The following PATL1 variants were observed in gnomAD, a reference collection of about 807,000 sequenced individuals.
The protein encoded by PATL1 is protein PAT1 homolog 1.
A neutral mutation model predicts 100.6 loss-of-function variants in PATL1; 32 were observed. That is an observed-to-expected ratio of 0.32 (90% confidence interval 0.24 to 0.43). PATL1 has a LOEUF of 0.43. PATL1 is among the 20% of genes least tolerant of loss of function. The pLI is 1.00. For missense variants in PATL1, 747 were observed against 949.9 expected, an observed-to-expected ratio of 0.79 and a Z score of 2.81; for synonymous variants, 332 against 330.0, an observed-to-expected ratio of 1.01 and a Z score of -0.07.
At chr11:59,665,176 T>TAA (rs1227770231) in intron 2 of PATL1, among the ~76,000 whole-genome samples, 10 of 152,224 alleles carry the variant, frequency 6.6e-5, no homozygotes, top group Non-Finnish European at 1.3e-4. Context: ...CTGACAATAT[T>TAA]AAAACACCTT....
intron 14 of PATL1, 51 bp downstream of exon 14, chr11:59,649,411 G>A: frequency 1.1e-5 from 18 of 1,591,172 alleles, no homozygotes; most frequent in Non-Finnish European, 1.5e-5. Context: ...ATCCAGTTAT[G>A]ACAGAGGAAG....
chr11:59,668,106 T>C (rs1312975501), intron 1 of PATL1, among the ~76,000 whole-genome samples: 2 of 152,236 alleles, frequency 1.3e-5, no homozygotes, highest in African/African-American at 2.4e-5. Flanking sequence ...AAATCACAAA[T>C]ATCTACTTTA....
At chr11:59,662,942 A>G (rs1861645982) in intron 2 of PATL1, among the ~76,000 whole-genome samples, 1 of 152,184 alleles carries the variant, frequency 6.6e-6, no homozygotes. Flanking sequence ...ACATTTTCAA[A>G]CATGTAACCA....
chr11:59,649,474 G>A lies in PATL1; in HGVS notation c.1721C>T (p.Pro574Leu), dbSNP rs1266186560. ...GCACGATGCTTACCTCTCTTGTCCA[G>A]GCAATTTCCCCCTTAAGTTGTCATA... The part of the protein sequence containing the change: ...SMYDNLRGKL[P>L]GQERPSDDHF... The change falls in exon 14 of 19, where the codon CCT (proline) becomes CTT (leucine). Residue 574 changes from proline to leucine, a missense_variant. Around this residue, in one of 4 missense-constraint regions of PATL1, gnomAD observed 434 missense variants for 596.1 expected, o/e 0.73. Coordinates refer to ENST00000300146, the MANE Select transcript of PATL1 (RefSeq NM_152716.3). The A allele has an allele frequency of 6.2e-7, 1 of 1,613,760 alleles. No homozygotes were observed. Among genetic ancestry groups the A allele is most frequent in the Non-Finnish European group, 8.5e-7 (1 of 1,179,866 alleles).
In PATL1 at chr11:59,656,582, C is replaced by G; in HGVS notation, c.640G>C (p.Val214Leu). ...FTQQILCPKP[V>L]HVRPPMPPRY... ...GGTGGCATTGGGGGCCGAACATGGA[C>G]AGGCTTCGGACACAGAATCTATCAG... Residue 214 changes from valine to leucine, a missense_variant, in exon 6 of 19, where the codon GTC becomes CTC. By Grantham distance (32) the Val-to-Leu change is conservative. Coordinates refer to ENST00000300146, the MANE Select transcript of PATL1 (RefSeq NM_152716.3). 1 of 1,613,936 alleles carries G rather than the reference C, an allele frequency of 6.2e-7. No individual in the cohort carries two copies. The highest frequency in any genetic ancestry group is 2.2e-5 in the East Asian group (1 of 44,882).
At chr11:59,643,107 TG>T in intron 15 of PATL1, 72 bp from the exon 16 acceptor site, 1 of 1,487,484 alleles carries the variant, frequency 6.7e-7, no homozygotes, top group Admixed American at 2.1e-5. Flanking sequence ...GGGGCATGGA[TG>T]GAAGGATGTT....
intron 2 of PATL1, among the ~76,000 whole-genome samples, chr11:59,662,304 T>G (rs1211020388): frequency 6.6e-6 from 1 of 152,202 alleles, no homozygotes; most frequent in Non-Finnish European, 1.5e-5. Context: ...GACATGGGTC[T>G]TCTTTATAAT....
At chr11:59,668,218 C>T (rs1305908581) in intron 1 of PATL1, among the ~76,000 whole-genome samples, 1 of 152,236 alleles carries the variant, frequency 6.6e-6, no homozygotes, top group Non-Finnish European at 1.5e-5. Flanking sequence ...TTAGGAGTCA[C>T]TCAAGGTCAC....
intron 1 of PATL1, 140 bp from the exon 2 acceptor site, chr11:59,667,104 A>G (rs1420055427): frequency 4.1e-5 from 58 of 1,415,376 alleles, no homozygotes; most frequent in Non-Finnish European, 5.1e-5. Flanking sequence ...TTTTTTTTCT[A>G]CTTCCCAATT....
chr11:59,650,928 G>T, intron 12 of PATL1, 115 bp from the exon 13 acceptor site: 1 of 735,412 alleles, frequency 1.4e-6, no homozygotes, highest in South Asian at 2.0e-5. Flanking sequence ...TTGATTCTCT[G>T]AAAGTTAATA....
chr11:59,640,724 G>GA (rs767138695), intron 16 of PATL1, among the ~76,000 whole-genome samples: 5,506 of 143,242 alleles, frequency 0.038, 132 homozygotes, highest in Non-Finnish European at 0.045. Context: ...TATCTCAAAA[G>GA]AAAAAAAAAA....
intron 13 of PATL1, 111 bp from the exon 14 acceptor site, chr11:59,649,721 G>T: frequency 1.8e-6 from 2 of 1,135,322 alleles, no homozygotes; most frequent in Non-Finnish European, 1.2e-6. Context: ...ATTATAGAAA[G>T]ACTGAGATTT....
intron 5 of PATL1, chr11:59,657,211 C>A: frequency 1.2e-6 from 1 of 844,504 alleles, no homozygotes; most frequent in Non-Finnish European, 1.4e-6. Context: ...GCTGTGTGTT[C>A]CCACTCCCCC....
At chr11:59,654,412 G>A (rs575283554) in intron 8 of PATL1, among the ~76,000 whole-genome samples, 37 of 151,312 alleles carry the variant, frequency 2.4e-4, no homozygotes, top group African/African-American at 8.3e-4. Context: ...GGGAGGCAGA[G>A]GTTGCAGTGA....
At chr11:59,668,568 T>G (rs1413286857) in intron 1 of PATL1, among the ~76,000 whole-genome samples, 4 of 150,780 alleles carry the variant, frequency 2.7e-5, no homozygotes, top group Non-Finnish European at 5.9e-5. Flanking sequence ...GATGCAGTGC[T>G]CTACCCTCCG....
intron 14 of PATL1, among the ~76,000 whole-genome samples, chr11:59,648,905 T>C (rs1043801485): frequency 1.3e-5 from 2 of 152,236 alleles, no homozygotes; most frequent in East Asian, 1.9e-4. Flanking sequence ...AGGGAGTTGT[T>C]AGAAGTTGTA....
At chr11:59,654,490 A>T (rs1212181545) in intron 8 of PATL1, among the ~76,000 whole-genome samples, 1 of 105,468 alleles carries the variant, frequency 9.5e-6, no homozygotes, top group Non-Finnish European at 1.8e-5. Context: ...CAAAAACATT[A>T]AAAAAAAAAA....
chr11:59,660,466 G>C (rs1050214437), intron 2 of PATL1, among the ~76,000 whole-genome samples: 4 of 152,300 alleles, frequency 2.6e-5, no homozygotes, highest in Admixed American at 2.6e-4. Flanking sequence ...TCAGAGGTAG[G>C]CCTCATTGAG....
At chr11:59,659,786 C>G (rs1305662311) in intron 2 of PATL1, among the ~76,000 whole-genome samples, 1 of 152,072 alleles carries the variant, frequency 6.6e-6, no homozygotes, top group Admixed American at 6.6e-5. Context: ...ATGATCCACC[C>G]ATCTCGGCCT....
Sources: gnomAD v4.1 joint callset for allele counts (sites outside exome capture counted in the v4.1 genomes callset) on GRCh38, gnomAD v4.1.1 for gene constraint, gnomAD v4.1.1 regional missense constraint, MANE v1.5 for transcripts, NCBI Gene and HGNC (gene_info 2026-07-23, HGNC 2026-07-21) for gene names.